TAB1: variants seen among roughly 807,000 people sequenced by gnomAD.
The protein encoded by TAB1 is TGF-beta activated kinase 1 (MAP3K7) binding protein 1.
In TAB1, 30 loss-of-function variants were observed where a neutral mutation model predicts 54.5. The observed-to-expected ratio is 0.55, with a 90% CI of 0.41 to 0.75. The LOEUF is 0.75. Among genes scored for constraint, TAB1 ranks in the 30% least tolerant of loss-of-function variants. TAB1 has a pLI of 0.00. For synonymous variants in TAB1, 289 were observed against 286.9 expected (o/e 1.01, Z -0.07); for missense variants, 609 against 683.2 (o/e 0.89, Z 1.21).
In TAB1 at chr22:39,420,542, G is replaced by A. The variant is rs1447522523; in HGVS notation, c.776+912G>A. On this transcript the variant is annotated intron_variant, in intron 7 of 10. Coordinates refer to ENST00000216160, the MANE Select transcript of TAB1 (RefSeq NM_006116.3). ...GCATGTTAGAACTCCTTGCCCTCAC[G>A]CGATCTAGGCAACTGAGTGTCGAAT... 1.1e-4 allele frequency among the ~76,000 whole-genome samples: 16 copies of A among 152,188 alleles called. No individual in the cohort carries two copies. The East Asian group carries it at 2.3e-3, about 22-fold the overall frequency.
intron 1 of TAB1, among the ~76,000 whole-genome samples, chr22:39,414,181 A>G (rs544120857): frequency 1.3e-5 from 2 of 152,216 alleles, no homozygotes; most frequent in South Asian, 4.1e-4. Flanking sequence ...ATCCTGAAGG[A>G]AGACCTCCTG....
chr22:39,418,899 T>A (rs1355028404), intron 6 of TAB1, 54 bp downstream of exon 6: 10 of 1,443,814 alleles, frequency 6.9e-6, no homozygotes, highest in Non-Finnish European at 9.7e-6. Flanking sequence ...ACCCTTCGCC[T>A]GCCTTTGGTG....
intron 1 of TAB1, among the ~76,000 whole-genome samples, chr22:39,402,313 G>A (rs904379906): frequency 5.9e-5 from 9 of 152,236 alleles, no homozygotes; most frequent in African/African-American, 2.2e-4. Context: ...ACCGCATCTG[G>A]CTAAGGACAG....
chr22:39,433,930 C>T (rs1036750134), downstream of TAB1: 2 of 591,070 alleles, frequency 3.4e-6, no homozygotes, highest in Non-Finnish European at 4.2e-6. Context: ...GGGTCACTCA[C>T]TCTCAGCCTG....
At chr22:39,409,600 C>T (rs912338919) in intron 1 of TAB1, among the ~76,000 whole-genome samples, 7 of 152,182 alleles carry the variant, frequency 4.6e-5, no homozygotes, top group Admixed American at 3.3e-4. Flanking sequence ...GGTCTTTTTA[C>T]GTTCCGCTCC....
chr22:39,410,999 C>T (rs1926583080), intron 1 of TAB1, among the ~76,000 whole-genome samples: 1 of 152,008 alleles, frequency 6.6e-6, no homozygotes, highest in African/African-American at 2.4e-5. Context: ...GAGGGGTAGA[C>T]ACATCGATCA....
intron 1 of TAB1, among the ~76,000 whole-genome samples, chr22:39,409,323 A>G (rs974186345): frequency 6.6e-6 from 1 of 152,146 alleles, no homozygotes; most frequent in East Asian, 1.9e-4. Flanking sequence ...GACTTTTGTG[A>G]GCTCGCTGGA....
In TAB1 at chr22:39,415,386, G is replaced by T; in HGVS notation, c.171-114G>T. 7.6e-7 allele frequency: 1 copy of T among 1,311,690 alleles called. No homozygotes were observed. The allele number at this position is 1,311,690 out of a possible 1,614,324, so 81.3% of individuals were successfully genotyped here. On this transcript the variant is annotated intron_variant, in intron 2 of 10. Transcript: ENST00000216160. The surrounding 1 kb of genome is among the most constrained non-coding windows in gnomAD (Gnocchi z 4.9). ...GGCTAAAGCAGGGGGACCCAGGAGG[G>T]CCCCTGAAGCTGCAGCTGCTGTCGC...
downstream of TAB1, chr22:39,432,924 A>T: frequency 6.1e-6 from 6 of 985,406 alleles, no homozygotes; most frequent in Non-Finnish European, 7.2e-6. Flanking sequence ...TTGAGGACTT[A>T]AGGGGCCAGG....
rs576257066 is a variant in TAB1 at position 39,411,196 on chromosome 22, A to G, written c.34-3810A>G. Among the ~76,000 whole-genome samples, 58 of 152,350 alleles carry G rather than the reference A, an allele frequency of 3.8e-4. 1 individual carries two copies. In the South Asian group the frequency reaches 0.012, roughly 30 times the overall value. The stretch of plus-strand genomic sequence containing the variant: ...AGATCTAAATGTAAAATATAAAACT[A>G]TAAAACTTTTAGAAAAAAACATAGG... On this transcript the variant is annotated intron_variant, in intron 1 of 10. Coordinates refer to ENST00000216160, the MANE Select transcript of TAB1 (RefSeq NM_006116.3).
chr22:39,399,812 C>A lies in TAB1; in HGVS notation c.10C>A (p.Gln4Lys). The A allele has an allele frequency of 1.3e-6, 2 of 1,597,070 alleles. No individual in the cohort carries two copies. The highest frequency in any genetic ancestry group is 1.7e-6 in the Non-Finnish European group (2 of 1,172,320). MAA[Q>K]RRSLLQSEQQ... ...CAGGGGTTCCTCCAAGATGGCGGCG[C>A]AGAGGAGGAGCTTGCTGCAGAGTGT... The change falls in exon 1 of 11, where the codon CAG (glutamine) becomes AAG (lysine). Residue 4 changes from glutamine to lysine, a missense_variant. Transcript: ENST00000216160.
At position 39,416,782 on chromosome 22, in the gene TAB1, TC is replaced by T; in HGVS notation, c.325-4del. ...GAACCAGCCTTTGCCCTGTCCTGTG[TC>T]CCCCTAGGCCTTCGATGTGGTGGAG... On this transcript the variant is annotated splice_region_variant and splice_polypyrimidine_tract_variant and intron_variant, in intron 3 of 10. Coordinates refer to ENST00000216160, the MANE Select transcript of TAB1 (RefSeq NM_006116.3). 1 of 1,613,970 alleles carries T rather than the reference TC, an allele frequency of 6.2e-7. No individual in the cohort carries two copies. The highest frequency in any genetic ancestry group is 8.5e-7 in the Non-Finnish European group (1 of 1,179,866).
Position 39,416,067 on chromosome 22 carries a change from G to A in TAB1, c.324+414G>A, listed in dbSNP as rs60181054. On this transcript the variant is annotated intron_variant, in intron 3 of 10. Coordinates refer to ENST00000216160, the MANE Select transcript of TAB1 (RefSeq NM_006116.3). The stretch of plus-strand genomic sequence containing the variant: ...TGCCTCCCCTTTCTGAGGGGCCGCC[G>A]CCCTCATTGACTGGTTCCACCTTTC... 1.7e-3 allele frequency among the ~76,000 whole-genome samples: 266 copies of A among 152,202 alleles called. 6 individuals are homozygous for A. In the East Asian group the frequency reaches 0.043, roughly 25 times the overall value.
chr22:39,418,138 G>A (rs1176050912), intron 5 of TAB1, among the ~76,000 whole-genome samples: 2 of 152,204 alleles, frequency 1.3e-5, no homozygotes, highest in Non-Finnish European at 2.9e-5. Context: ...GCTGCTTCTG[G>A]AAGAGGTTAC....
downstream of TAB1, chr22:39,432,861 A>G (rs1390290004): frequency 5.1e-6 from 5 of 985,276 alleles, no homozygotes; most frequent in Admixed American, 1.8e-4. Context: ...CTGGAGGGAA[A>G]TGAAGGTGAG....
intron 1 of TAB1, among the ~76,000 whole-genome samples, chr22:39,411,784 A>G (rs146075760): frequency 8.5e-5 from 13 of 152,370 alleles, no homozygotes; most frequent in African/African-American, 3.1e-4. Context: ...ATGAATGTTT[A>G]TAGCATATTT....
intron 8 of TAB1, among the ~76,000 whole-genome samples, chr22:39,422,978 C>CT (rs556909738): frequency 0.047 from 6,454 of 136,498 alleles, 537 homozygotes; most frequent in African/African-American, 0.16. Flanking sequence ...TCTGCTTTGA[C>CT]TTTTTTTTTT....
At chr22:39,422,459 A>G (rs192607010) in intron 8 of TAB1, among the ~76,000 whole-genome samples, 39 of 132,166 alleles carry the variant, frequency 3.0e-4, no homozygotes, top group African/African-American at 1.1e-3. Flanking sequence ...CGCAGGCTAG[A>G]GTACAGTGGC....
At chr22:39,428,742 T>C (rs1010349617) in intron 10 of TAB1, among the ~76,000 whole-genome samples, 1 of 152,144 alleles carries the variant, frequency 6.6e-6, no homozygotes, top group Admixed American at 6.5e-5. Flanking sequence ...CCAGATCTGG[T>C]TTCCACATTC....
Sources: gnomAD v4.1 joint callset for allele counts (sites outside exome capture counted in the v4.1 genomes callset) on GRCh38, gnomAD v4.1.1 for gene constraint, Gnocchi (gnomAD v3.1) non-coding constraint, MANE v1.5 for transcripts, NCBI Gene and HGNC (gene_info 2026-07-23, HGNC 2026-07-21) for gene names.